Variants in KCNMA1 observed in about 807,000 individuals in gnomAD.
KCNMA1 encodes the protein potassium calcium-activated channel subfamily M alpha 1.
Under a neutral mutation model 140.0 loss-of-function variants are expected in KCNMA1, and 29 were observed. The ratio of observed to expected loss-of-function variants is 0.21; its 90% CI spans 0.15 to 0.28. KCNMA1 has a LOEUF of 0.28. Among genes scored for constraint, KCNMA1 ranks in the 10% least tolerant of loss-of-function variants. The probability of loss-of-function intolerance (pLI) is 1.00; values close to 1 mark genes in which losing one functional copy is unlikely to be tolerated. For missense variants in KCNMA1, 880 were observed against 1,602.2 expected (o/e 0.55, Z 7.70); for synonymous variants, 612 against 611.9 (o/e 1.00, Z 0.00).
In KCNMA1 at chr10:77,252,300, T is replaced by G. The variant is rs542921553; in HGVS notation, c.541-1044A>C. Among the ~76,000 whole-genome samples, 196 of 152,328 alleles carry G rather than the reference T, an allele frequency of 1.3e-3. 1 individual carries two copies. The highest frequency in any genetic ancestry group is 1.9e-3 in the Non-Finnish European group (129 of 68,022). On this transcript the variant is annotated intron_variant, in intron 2 of 27. Coordinates refer to ENST00000286628, the MANE Select transcript of KCNMA1 (RefSeq NM_001161352.2). ...GATAGTCAGAAATAAAGAAGATGCT[T>G]TCAGCCAACAATTAAGCCTGAGAAT...
Position 77,194,628 on chromosome 10 carries a change from G to A in KCNMA1, c.603-9712C>T, listed in dbSNP as rs117675968. 7.1e-3 allele frequency among the ~76,000 whole-genome samples: 1,085 copies of A among 152,198 alleles called. 5 individuals are homozygous for A. The highest frequency in any genetic ancestry group is 0.011 in the Non-Finnish European group (775 of 68,014). On this transcript the variant is annotated intron_variant, in intron 3 of 27. Coordinates refer to ENST00000286628, the MANE Select transcript of KCNMA1 (RefSeq NM_001161352.2). The stretch of plus-strand genomic sequence containing the variant: ...CAGTTGCGGATAATGAGATGCCTGA[G>A]ACGTATCTCTTTCTTATTCTGAACC...
chr10:77,122,066 G>A (rs769231405), intron 5 of KCNMA1, among the ~76,000 whole-genome samples: 9 of 152,214 alleles, frequency 5.9e-5, no homozygotes, highest in African/African-American at 1.7e-4. Context: ...CTCCACGCCC[G>A]TGGGTGGGGC....
intron 6 of KCNMA1, among the ~76,000 whole-genome samples, chr10:77,114,184 G>A (rs1018448697): frequency 6.6e-6 from 1 of 152,158 alleles, no homozygotes; most frequent in Non-Finnish European, 1.5e-5. Context: ...ATACCTAATA[G>A]CTTTAGCATT....
chr10:77,286,300 G>C (rs1478234895), intron 2 of KCNMA1, among the ~76,000 whole-genome samples: 3 of 152,186 alleles, frequency 2.0e-5, no homozygotes, highest in Admixed American at 6.5e-5. Context: ...CAAAGACTCA[G>C]AGCCTGAGAG....
chr10:77,468,644 C>T (rs982886023), intron 1 of KCNMA1, among the ~76,000 whole-genome samples: 1 of 152,104 alleles, frequency 6.6e-6, no homozygotes, highest in Non-Finnish European at 1.5e-5. Context: ...AGGAACCAGC[C>T]CTGCCAACAC....
chr10:77,106,234 C>T (rs2097195243), intron 9 of KCNMA1, among the ~76,000 whole-genome samples: 1 of 151,018 alleles, frequency 6.6e-6, no homozygotes, highest in South Asian at 2.1e-4. Context: ...ACATTAAAAG[C>T]AAAGTGCATT....
At chr10:77,348,753 C>G (rs1471674720) in intron 2 of KCNMA1, among the ~76,000 whole-genome samples, 1 of 152,220 alleles carries the variant, frequency 6.6e-6, no homozygotes, top group Non-Finnish European at 1.5e-5. Context: ...GGGCCATCTT[C>G]ATTAGCTGCT....
chr10:76,925,200 A>G lies in KCNMA1; in HGVS notation c.2903-10151T>C, dbSNP rs182999277. 4.6e-5 allele frequency among the ~76,000 whole-genome samples: 7 copies of G among 152,294 alleles called. No homozygotes were observed. In the South Asian group the frequency reaches 1.0e-3, roughly 23 times the overall value. ...GTTTAAATGTTGTTAAGCATCTTTA[A>G]TTCTTCTGTTTTATCTTCATATACC... On this transcript the variant is annotated intron_variant, in intron 23 of 27. Coordinates refer to ENST00000286628, the MANE Select transcript of KCNMA1 (RefSeq NM_001161352.2).
At chr10:77,130,688 A>T (rs375791827) in intron 5 of KCNMA1, among the ~76,000 whole-genome samples, 15 of 152,198 alleles carry the variant, frequency 9.9e-5, no homozygotes, top group African/African-American at 3.4e-4. Context: ...GGTAGGAAAC[A>T]GCAGAATCCC....
At chr10:77,393,723 A>G (rs1332836177) in intron 2 of KCNMA1, among the ~76,000 whole-genome samples, 1 of 152,232 alleles carries the variant, frequency 6.6e-6, no homozygotes, top group Non-Finnish European at 1.5e-5. Flanking sequence ...GGCTCCACCC[A>G]TCCTCCTTGT....
intron 2 of KCNMA1, among the ~76,000 whole-genome samples, chr10:77,331,477 A>G (rs1327214829): frequency 6.6e-6 from 1 of 152,180 alleles, no homozygotes; most frequent in East Asian, 1.9e-4. Context: ...GGTATTTTAT[A>G]AATATCAATA....
At chr10:77,038,707 T>C (rs2094480961) in intron 15 of KCNMA1, among the ~76,000 whole-genome samples, 1 of 152,094 alleles carries the variant, frequency 6.6e-6, no homozygotes, top group African/African-American at 2.4e-5. Flanking sequence ...ACTCGGCTAA[T>C]TTTCCTTATT....
chr10:77,494,969 C>T (rs1001827310), intron 1 of KCNMA1, among the ~76,000 whole-genome samples: 3 of 152,144 alleles, frequency 2.0e-5, no homozygotes, highest in African/African-American at 7.2e-5. Flanking sequence ...CAAAGTTCCC[C>T]TTTTTATAAA....
At chr10:77,477,795 G>T (rs1250295622) in intron 1 of KCNMA1, among the ~76,000 whole-genome samples, 2 of 152,134 alleles carry the variant, frequency 1.3e-5, no homozygotes, top group Non-Finnish European at 2.9e-5. Flanking sequence ...TTAATATTAA[G>T]TTCTTAGAGC....
intron 5 of KCNMA1, among the ~76,000 whole-genome samples, chr10:77,151,343 C>T (rs1349493560): frequency 0.067 from 2 of 30 alleles, no homozygotes; most frequent in African/African-American, 0.25. Context: ...TCCCGGGCCT[C>T]AGCCTCCCCA....
At chr10:77,264,392 T>A (rs1270606177) in intron 2 of KCNMA1, among the ~76,000 whole-genome samples, 1 of 152,182 alleles carries the variant, frequency 6.6e-6, no homozygotes, top group Non-Finnish European at 1.5e-5. Flanking sequence ...TCCTTCCTCC[T>A]TCAGCCTCAC....
chr10:77,481,936 A>G (rs1252207158), intron 1 of KCNMA1, among the ~76,000 whole-genome samples: 1 of 152,226 alleles, frequency 6.6e-6, no homozygotes. Flanking sequence ...ACTGAAGTAT[A>G]GACAGTGGGT....
intron 1 of KCNMA1, among the ~76,000 whole-genome samples, chr10:77,414,228 C>T (rs1252064589): frequency 1.3e-5 from 2 of 152,202 alleles, no homozygotes; most frequent in Admixed American, 6.5e-5. Flanking sequence ...ACTTTGCACG[C>T]ACTGTCTCAG....
intron 2 of KCNMA1, among the ~76,000 whole-genome samples, chr10:77,291,047 G>C (rs1041977476): frequency 2.0e-5 from 3 of 152,158 alleles, no homozygotes; most frequent in Non-Finnish European, 4.4e-5. Context: ...ACCCAGGAAA[G>C]TTAGCACACA....
Sources: gnomAD v4.1 joint callset for allele counts (sites outside exome capture counted in the v4.1 genomes callset) on GRCh38, gnomAD v4.1.1 for gene constraint, MANE v1.5 for transcripts, NCBI Gene and HGNC (gene_info 2026-07-23, HGNC 2026-07-21) for gene names.